GRAMD4: variants seen among roughly 807,000 people sequenced by gnomAD.
GRAMD4 encodes GRAM domain containing 4.
GRAMD4 carries 25 observed loss-of-function variants against 83.9 expected under a neutral mutation model. The ratio of observed to expected loss-of-function variants is 0.30; its 90% CI spans 0.22 to 0.42. GRAMD4 has a LOEUF of 0.42. GRAMD4 is among the 10% of genes least tolerant of loss of function. GRAMD4 has a pLI of 1.00. For missense variants in GRAMD4, 593 were observed against 788.7 expected (o/e 0.75, Z 2.97); for synonymous variants, 336 against 320.9 (o/e 1.05, Z -0.50).
chr22:46,644,697 G>GTTTTTTTTTTTTTTTT (rs71192437), intron 3 of GRAMD4, among the ~76,000 whole-genome samples: 2 of 97,370 alleles, frequency 2.1e-5, no homozygotes, highest in African/African-American at 4.0e-5. Context: ...CTTGTTCCCT[G>GTTTTTTTTTTTTTTTT]TTTTTTTTTT....
rs958727174 is a variant in GRAMD4 at position 46,677,814 on chromosome 22, T to G, written c.*563T>G. On this transcript the variant is annotated 3_prime_UTR_variant, in exon 19 of 19. Transcript: ENST00000406902. ...GAGACCCTCCTGTGGCATTTGCCCT[T>G]GGTGCCGGGCTGGGGCCGGGCGCAG... 2.3e-5 allele frequency: 23 copies of G among 985,016 alleles called. No individual in the cohort carries two copies. The highest frequency in any genetic ancestry group is 2.8e-5 in the Non-Finnish European group (23 of 830,078). The allele number at this position is 985,016 out of a possible 1,614,324, so 61.0% of individuals were successfully genotyped here. A position where few individuals can be genotyped will look rare whatever the true frequency, so the allele number is the denominator to read the frequency against.
intron 2 of GRAMD4, among the ~76,000 whole-genome samples, chr22:46,627,243 G>A (rs1254653480): frequency 1.3e-5 from 2 of 152,256 alleles, no homozygotes; most frequent in South Asian, 2.1e-4. Flanking sequence ...CACATGTGAC[G>A]CGGAAGCCTC....
chr22:46,668,631 G>T, intron 11 of GRAMD4, 58 bp from the exon 12 acceptor site: 1 of 1,526,114 alleles, frequency 6.6e-7, no homozygotes, highest in Admixed American at 1.7e-5. Flanking sequence ...TGGCGTCGCG[G>T]TGTGACTGAC....
chr22:46,621,055 C>T lies in GRAMD4; in HGVS notation c.-50+490C>T, dbSNP rs1428057084. ...AGCGGCTGGGCTGCAGGCTGAGGAGCTGGGCTTCCTCCAGGGACCGTGGAG... is the reference window on the plus strand; with the variant it reads ...AGCGGCTGGGCTGCAGGCTGAGGAGTTGGGCTTCCTCCAGGGACCGTGGAG... On this transcript the variant is annotated intron_variant, in intron 1 of 18. Coordinates refer to ENST00000406902, the MANE Select transcript of GRAMD4 (RefSeq NM_015124.5). The surrounding 1 kb of genome is among the most constrained non-coding windows in gnomAD (Gnocchi z 5.8). Among the ~76,000 whole-genome samples the T allele has an allele frequency of 6.7e-6, 1 of 149,438 alleles. No homozygotes were observed. The highest frequency in any genetic ancestry group is 1.5e-5 in the Non-Finnish European group (1 of 67,510).
At chr22:46,665,842 C>G in intron 9 of GRAMD4, 136 bp downstream of exon 9, 1 of 613,308 alleles carries the variant, frequency 1.6e-6, no homozygotes, top group Non-Finnish European at 3.0e-6. Context: ...TGACAGGCTC[C>G]AGAGACCCCC....
intron 1 of GRAMD4, among the ~76,000 whole-genome samples, chr22:46,598,972 T>G (rs1026574472): frequency 1.3e-5 from 2 of 151,956 alleles, no homozygotes; most frequent in South Asian, 2.1e-4. Context: ...GACTGTGAGC[T>G]CCTCTGGTGG....
At chr22:46,676,735 T>G in intron 18 of GRAMD4, 67 bp downstream of exon 18, 2 of 1,407,988 alleles carry the variant, frequency 1.4e-6, no homozygotes, top group South Asian at 1.2e-5. Context: ...TGAGCAACCC[T>G]GGGACCAGCG....
intron 3 of GRAMD4, among the ~76,000 whole-genome samples, chr22:46,653,971 C>G (rs2082204866): frequency 6.6e-6 from 1 of 152,234 alleles, no homozygotes. Flanking sequence ...GTGGCTCTCT[C>G]TGAACCCTCC....
At chr22:46,612,987 C>A (rs968294865) in intron 1 of GRAMD4, among the ~76,000 whole-genome samples, 1 of 152,206 alleles carries the variant, frequency 6.6e-6, no homozygotes, top group Admixed American at 6.5e-5. Context: ...GGTCCCTGCT[C>A]GGGAGCTCGT....
At chr22:46,670,668 C>T (rs1260297171) in intron 13 of GRAMD4, among the ~76,000 whole-genome samples, 2 of 152,028 alleles carry the variant, frequency 1.3e-5, no homozygotes, top group African/African-American at 2.4e-5. Context: ...TGCAGTGGCA[C>T]GATCTCGGCT....
intron 10 of GRAMD4, 119 bp from the exon 11 acceptor site, chr22:46,667,977 C>T: frequency 1.4e-6 from 1 of 700,764 alleles, no homozygotes; most frequent in South Asian, 1.7e-5. Flanking sequence ...GTCCCATCCC[C>T]CCTGGCTGTG....
intron 1 of GRAMD4, among the ~76,000 whole-genome samples, chr22:46,591,075 A>AGAAAAAG (rs1555952161): frequency 1.6e-4 from 24 of 149,964 alleles, no homozygotes; most frequent in Admixed American, 3.3e-4. Context: ...AAAAAGAAAA[A>AGAAAAAG]AAAACAAACA....
At chr22:46,577,485 C>T (rs1718131187) in intron 1 of GRAMD4, among the ~76,000 whole-genome samples, 1 of 150,478 alleles carries the variant, frequency 6.6e-6, no homozygotes, top group Non-Finnish European at 1.5e-5. Flanking sequence ...CCCCGGGTCC[C>T]GCGCGTCACG....
chr22:46,619,412 C>A (rs1378080079), upstream of GRAMD4, among the ~76,000 whole-genome samples: 1 of 152,162 alleles, frequency 6.6e-6, no homozygotes. Context: ...TCGTGGTTCA[C>A]CGCAGCCTCA....
intron 1 of GRAMD4, among the ~76,000 whole-genome samples, chr22:46,586,539 G>A (rs891676130): frequency 5.3e-5 from 8 of 152,128 alleles, no homozygotes; most frequent in Non-Finnish European, 8.8e-5. Flanking sequence ...ACACTCCATA[G>A]GGTTGGGGAA....
intron 3 of GRAMD4, among the ~76,000 whole-genome samples, chr22:46,646,797 G>A (rs569251810): frequency 5.9e-5 from 9 of 152,334 alleles, no homozygotes; most frequent in African/African-American, 2.2e-4. Context: ...CCTGAGACTG[G>A]CGCTTTACAA....
rs71192425 is a variant in GRAMD4, at chr22:46,603,515, CT to C, written c.-49-23217del. Reference sequence around the variant, plus strand: ...TGAGCCACCGCGCCCGGCCTCTTCTCTTTTTTTTTTTTTTTTTTTGAGATGG... The same window carrying C: ...TGAGCCACCGCGCCCGGCCTCTTCTCTTTTTTTTTTTTTTTTTTGAGATGG... On this transcript the variant is annotated intron_variant, in intron 1 of 1. Coordinates refer to the GRAMD4 transcript ENST00000431155. Among the ~76,000 whole-genome samples the C allele has an allele frequency of 8.6e-5, 7 of 81,588 alleles. 1 individual carries two copies. The South Asian group carries it at 1.7e-3, about 20-fold the overall frequency. The allele number at this position is 81,588 out of a possible 152,430, so 53.5% of individuals were successfully genotyped here.
chr22:46,673,258 C>T (rs1020248254), intron 14 of GRAMD4, among the ~76,000 whole-genome samples: 3 of 152,164 alleles, frequency 2.0e-5, no homozygotes, highest in African/African-American at 4.8e-5. Flanking sequence ...GTGACCACTC[C>T]ATGGGGGTGC....
intron 8 of GRAMD4, 22 bp downstream of exon 8, chr22:46,664,139 C>A: frequency 6.5e-7 from 1 of 1,536,580 alleles, no homozygotes; most frequent in Non-Finnish European, 9.0e-7. Flanking sequence ...CTCCAGGGGC[C>A]GAGCAGGGTG....
Sources: gnomAD v4.1 joint callset for allele counts (sites outside exome capture counted in the v4.1 genomes callset) on GRCh38, gnomAD v4.1.1 for gene constraint, Gnocchi (gnomAD v3.1) non-coding constraint, MANE v1.5 for transcripts, NCBI Gene and HGNC (gene_info 2026-07-23, HGNC 2026-07-21) for gene names.